IFT57: variants seen among roughly 807,000 people sequenced by gnomAD.
IFT57 encodes the protein intraflagellar transport 57.
IFT57 carries 59 observed loss-of-function variants against 56.8 expected under a neutral mutation model. The observed-to-expected ratio is 1.04, with a 90% CI of 0.84 to 1.29. The LOEUF (loss-of-function observed/expected upper bound fraction) is 1.29. Ranked by LOEUF, IFT57 falls within the 50% of genes most tolerant of loss-of-function variation. IFT57 has a pLI of 0.00. For missense variants in IFT57, 470 were observed against 522.1 expected, an observed-to-expected ratio of 0.90 and a Z score of 0.97; for synonymous variants, 209 against 186.1, an observed-to-expected ratio of 1.12 and a Z score of -1.00.
chr3:108,214,663 AT>A (rs562943881), intron 3 of IFT57, among the ~76,000 whole-genome samples: 3 of 152,318 alleles, frequency 2.0e-5, no homozygotes, highest in South Asian at 2.1e-4. Context: ...GTGAAAAAAA[AT>A]CTCATTCTTG....
intron 6 of IFT57, among the ~76,000 whole-genome samples, chr3:108,179,598 TTTCATTACTGCCCCCGTTTGTGTATC>T (rs2080141443): frequency 6.6e-6 from 1 of 152,036 alleles, no homozygotes; most frequent in Non-Finnish European, 1.5e-5. Flanking sequence ...GAGTTTCTCA[TTTCATTACTGCCCCCGTTTGTGTATC>T]TATTTGTGTA....
intron 5 of IFT57, among the ~76,000 whole-genome samples, chr3:108,195,782 G>C (rs185473060): frequency 9.1e-4 from 139 of 152,076 alleles, no homozygotes; most frequent in Non-Finnish European, 1.5e-3. Context: ...AGATTTCATG[G>C]AGGTAGAGAG....
chr3:108,212,326 C>T (rs746353707), intron 4 of IFT57, among the ~76,000 whole-genome samples: 12 of 152,092 alleles, frequency 7.9e-5, no homozygotes, highest in African/African-American at 2.4e-4. Flanking sequence ...ATCCTCCCAC[C>T]GCCTCCCGAA....
At chr3:108,221,114 A>T (rs2080403627) in intron 1 of IFT57, among the ~76,000 whole-genome samples, 1 of 152,190 alleles carries the variant, frequency 6.6e-6, no homozygotes, top group Non-Finnish European at 1.5e-5. Context: ...CCGACCATGG[A>T]CTAATTTAAT....
intron 3 of IFT57, among the ~76,000 whole-genome samples, chr3:108,217,159 C>G (rs1194040886): frequency 6.6e-6 from 1 of 152,210 alleles, no homozygotes; most frequent in South Asian, 2.1e-4. Flanking sequence ...ATTTCACTAA[C>G]TTGATCATTG....
Position 108,218,547 on chromosome 3 carries a change from A to T in IFT57, c.482T>A (p.Phe161Tyr). ...GGGTAATTTTTACCTTTTCCAGGTG[A>T]AACCAATATATTTCAATGCTTCTTC... ...FAEEALKYIGFTWKRPIYPVE... is the reference protein window; with the variant it reads ...FAEEALKYIGYTWKRPIYPVE... Residue 161 changes from phenylalanine (F) to tyrosine (Y), a missense_variant, in exon 3 of 11, where the codon TTC becomes TAC. Transcript: ENST00000264538. 1 of 1,524,334 alleles carries T rather than the reference A, an allele frequency of 6.6e-7. No homozygotes were observed. The highest frequency in any genetic ancestry group is 1.3e-5 in the South Asian group (1 of 79,754). 94.4% of individuals were successfully genotyped at this position (1,524,334 alleles called of 1,614,324 possible).
At chr3:108,184,464 A>G (rs1420209092) in intron 6 of IFT57, among the ~76,000 whole-genome samples, 2 of 152,184 alleles carry the variant, frequency 1.3e-5, no homozygotes, top group Non-Finnish European at 2.9e-5. Context: ...TATGTTATAA[A>G]CACATAAAAT....
chr3:108,182,218 G>A (rs17829536), intron 6 of IFT57, among the ~76,000 whole-genome samples: 13,927 of 151,998 alleles, frequency 0.092, 698 homozygotes, highest in Middle Eastern at 0.12. Flanking sequence ...CATGGCAGAA[G>A]GTCAAATCAA....
intron 6 of IFT57, among the ~76,000 whole-genome samples, chr3:108,187,328 T>C (rs1285720221): frequency 6.6e-6 from 1 of 152,196 alleles, no homozygotes; most frequent in Non-Finnish European, 1.5e-5. Context: ...ACAATAGGGA[T>C]AAGCTAGTTT....
intron 6 of IFT57, among the ~76,000 whole-genome samples, chr3:108,170,859 C>T (rs1432568348): frequency 6.6e-6 from 1 of 151,974 alleles, no homozygotes. Context: ...ACATCTACAA[C>T]CATCTGATCT....
At chr3:108,179,172 C>T (rs1050344766) in intron 6 of IFT57, among the ~76,000 whole-genome samples, 6 of 151,830 alleles carry the variant, frequency 4.0e-5, no homozygotes, top group Non-Finnish European at 8.8e-5. Flanking sequence ...AACTCTATTT[C>T]AACCACAGGG....
At chr3:108,177,808 C>A (rs2080131945) in intron 6 of IFT57, among the ~76,000 whole-genome samples, 1 of 151,752 alleles carries the variant, frequency 6.6e-6, no homozygotes, top group Non-Finnish European at 1.5e-5. Flanking sequence ...ACACCACTTA[C>A]ACCCAAAATA....
intron 4 of IFT57, among the ~76,000 whole-genome samples, chr3:108,210,304 T>C (rs117659881): frequency 1.3e-5 from 2 of 151,112 alleles, no homozygotes; most frequent in East Asian, 3.9e-4. Flanking sequence ...TAGATGATTA[T>C]AGCAGAACTT....
intron 5 of IFT57, among the ~76,000 whole-genome samples, chr3:108,206,039 A>ATAT (rs1184342815): frequency 2.5e-5 from 3 of 121,636 alleles, no homozygotes; most frequent in Admixed American, 9.6e-5. Context: ...TATTATTTAT[A>ATAT]ATATATATTA....
intron 3 of IFT57, among the ~76,000 whole-genome samples, chr3:108,218,048 A>C (rs1209241257): frequency 6.6e-6 from 1 of 151,958 alleles, no homozygotes. Context: ...GGTTGGACAC[A>C]AAAGCAATGA....
intron 9 of IFT57, among the ~76,000 whole-genome samples, chr3:108,164,820 G>A (rs111787490): frequency 0.019 from 2,918 of 152,126 alleles, 47 homozygotes; most frequent in Middle Eastern, 0.034. Flanking sequence ...TGTAACCAAA[G>A]ATCATCTTGG....
chr3:108,197,278 GC>G (rs1220325809), intron 5 of IFT57, among the ~76,000 whole-genome samples: 2 of 152,150 alleles, frequency 1.3e-5, no homozygotes, highest in Non-Finnish European at 2.9e-5. Flanking sequence ...GGTGTGGAAA[GC>G]TAAAAGGATT....
At chr3:108,202,930 A>T (rs541510316) in intron 5 of IFT57, among the ~76,000 whole-genome samples, 1 of 152,348 alleles carries the variant, frequency 6.6e-6, no homozygotes, top group Non-Finnish European at 1.5e-5. Context: ...TTAGGCAGAC[A>T]TTTAAAATTT....
intron 3 of IFT57, 105 bp from the exon 4 acceptor site, chr3:108,214,126 C>T: frequency 1.6e-6 from 1 of 613,858 alleles, no homozygotes; most frequent in Non-Finnish European, 2.8e-6. Context: ...TGTCCTTTTT[C>T]ATTCCGCTTC....
Sources: gnomAD v4.1 joint callset for allele counts (sites outside exome capture counted in the v4.1 genomes callset) on GRCh38, gnomAD v4.1.1 for gene constraint, MANE v1.5 for transcripts, NCBI Gene and HGNC (gene_info 2026-07-23, HGNC 2026-07-21) for gene names.